Variants in RLF observed in about 807,000 individuals in gnomAD.
RLF encodes the protein zinc finger protein Rlf.
In RLF, 7 loss-of-function variants were observed where a neutral mutation model predicts 162.9. That is an observed-to-expected ratio of 0.04 (90% confidence interval 0.02 to 0.08). The LOEUF is 0.08. Among genes scored for constraint, RLF ranks in the 10% least tolerant of loss-of-function variants. The pLI is 1.00. For synonymous variants in RLF, 782 were observed against 791.5 expected, an observed-to-expected ratio of 0.99 and a Z score of 0.20; for missense variants, 1,664 against 2,244.7, an observed-to-expected ratio of 0.74 and a Z score of 5.23.
chr1:40,225,578 C>CAAAAAA (rs537934926), intron 6 of RLF, among the ~76,000 whole-genome samples: 8 of 83,064 alleles, frequency 9.6e-5, no homozygotes, highest in African/African-American at 4.3e-4. Flanking sequence ...GACTCTGTCT[C>CAAAAAA]AAAAAAAAAA....
chr1:40,167,282 T>C (rs12724048), intron 1 of RLF, among the ~76,000 whole-genome samples: 4 of 152,114 alleles, frequency 2.6e-5, no homozygotes, highest in African/African-American at 7.2e-5. Flanking sequence ...CTTACCTCTT[T>C]CATATATTTC....
chr1:40,189,269 T>C, intron 2 of RLF, 60 bp downstream of exon 2: 1 of 1,405,252 alleles, frequency 7.1e-7, no homozygotes. Context: ...GTTGTTTGCC[T>C]GGTTTCTCTT....
chr1:40,166,813 T>C (rs895755639), intron 1 of RLF, among the ~76,000 whole-genome samples: 1 of 129,356 alleles, frequency 7.7e-6, no homozygotes, highest in Non-Finnish European at 1.6e-5. Flanking sequence ...GTGAGAACAC[T>C]TGGACGCAGG....
At chr1:40,206,644 G>A (rs973741511) in intron 5 of RLF, among the ~76,000 whole-genome samples, 1 of 152,128 alleles carries the variant, frequency 6.6e-6, no homozygotes, top group Non-Finnish European at 1.5e-5. Context: ...AATACATTCA[G>A]AATTCTTTAT....
At chr1:40,231,263 C>T (rs1217861524) in intron 6 of RLF, among the ~76,000 whole-genome samples, 1 of 152,070 alleles carries the variant, frequency 6.6e-6, no homozygotes, top group African/African-American at 2.4e-5. Context: ...TTTTTAAATG[C>T]CACTGTTAAG....
intron 1 of RLF, among the ~76,000 whole-genome samples, chr1:40,168,719 A>G (rs550024086): frequency 6.4e-4 from 98 of 152,206 alleles, no homozygotes; most frequent in Non-Finnish European, 1.1e-3. Context: ...TTGGCCGTGC[A>G]CGGTGGCTCT....
intron 4 of RLF, among the ~76,000 whole-genome samples, chr1:40,200,338 G>C (rs891016489): frequency 3.9e-5 from 6 of 152,126 alleles, no homozygotes; most frequent in Non-Finnish European, 4.4e-5. Flanking sequence ...CTTTAATTTA[G>C]CAATTCCGCA....
At chr1:40,200,003 A>G (rs547945741) in intron 4 of RLF, among the ~76,000 whole-genome samples, 3 of 152,218 alleles carry the variant, frequency 2.0e-5, no homozygotes, top group Non-Finnish European at 4.4e-5. Flanking sequence ...AGTGAAGGGT[A>G]TGACCGTGAG....
At chr1:40,176,816 A>G (rs1406635511) in intron 1 of RLF, among the ~76,000 whole-genome samples, 1 of 152,056 alleles carries the variant, frequency 6.6e-6, no homozygotes, top group Non-Finnish European at 1.5e-5. Flanking sequence ...AAGTGTCCAA[A>G]TCTTTGCCAT....
intron 5 of RLF, 31 bp downstream of exon 5, chr1:40,202,645 G>T: frequency 1.6e-6 from 2 of 1,271,810 alleles, no homozygotes; most frequent in South Asian, 1.5e-5. Context: ...ATTCAAACTT[G>T]GTATTAATTT....
chr1:40,169,621 T>C (rs1251272838), intron 1 of RLF, among the ~76,000 whole-genome samples: 1 of 56,968 alleles, frequency 1.8e-5, no homozygotes, highest in East Asian at 5.3e-4. Context: ...AGACTCCGTC[T>C]CAAAAAAAAA....
chr1:40,216,868 A>G (rs1462284683), intron 5 of RLF, among the ~76,000 whole-genome samples: 3 of 152,120 alleles, frequency 2.0e-5, no homozygotes, highest in East Asian at 3.9e-4. Context: ...CCTGGACAAC[A>G]TGGTGAAACC....
intron 7 of RLF, among the ~76,000 whole-genome samples, chr1:40,234,138 T>C (rs1226173337): frequency 1.3e-5 from 2 of 152,116 alleles, no homozygotes; most frequent in Non-Finnish European, 2.9e-5. Context: ...TTATTAGAAA[T>C]GGGGTTTTGC....
chr1:40,203,750 T>G (rs747892934), intron 5 of RLF, among the ~76,000 whole-genome samples: 1 of 152,144 alleles, frequency 6.6e-6, no homozygotes, highest in Admixed American at 6.5e-5. Context: ...ATTCTTACTC[T>G]GAACTGAAAT....
intron 7 of RLF, among the ~76,000 whole-genome samples, chr1:40,232,289 A>G (rs903124079): frequency 3.9e-5 from 6 of 151,932 alleles, no homozygotes; most frequent in Non-Finnish European, 7.4e-5. Flanking sequence ...ATAATTGGCC[A>G]TTAGAACATT....
chr1:40,171,885 A>G (rs973994526), intron 1 of RLF, among the ~76,000 whole-genome samples: 23 of 152,172 alleles, frequency 1.5e-4, no homozygotes, highest in African/African-American at 5.1e-4. Context: ...TTCCAGTACT[A>G]CCTTTTCCTA....
chr1:40,167,271 C>G (rs2124522943), intron 1 of RLF, among the ~76,000 whole-genome samples: 1 of 152,232 alleles, frequency 6.6e-6, no homozygotes, highest in Non-Finnish European at 1.5e-5. Context: ...GGCTCTTGAG[C>G]CTTACCTCTT....
rs1005418216 is a variant in RLF, at chr1:40,229,448, CTTTTTTT to C, written c.948-2051_948-2045del. 4.4e-3 allele frequency among the ~76,000 whole-genome samples: 400 copies of C among 91,002 alleles called. 2 individuals carry two copies. The highest frequency in any genetic ancestry group is 0.017 in the African/African-American group (380 of 21,904). The allele number at this position is 91,002 out of a possible 152,430, so 59.7% of individuals were successfully genotyped here. On this transcript the variant is annotated intron_variant, in intron 6 of 7. Coordinates refer to ENST00000372771, the MANE Select transcript of RLF (RefSeq NM_012421.4). ...ATCCTGTTAAGCTTTATTCATTTAT[CTTTTTTT>C]TTTTTTTTTTTTTTTTTGAGACAGA...
intron 7 of RLF, among the ~76,000 whole-genome samples, chr1:40,232,613 C>T (rs773909310): frequency 2.0e-5 from 3 of 152,194 alleles, no homozygotes; most frequent in Non-Finnish European, 2.9e-5. Context: ...TTCTCAGGTG[C>T]TAGAAGCTAC....
Sources: gnomAD v4.1 joint callset for allele counts (sites outside exome capture counted in the v4.1 genomes callset) on GRCh38, gnomAD v4.1.1 for gene constraint, MANE v1.5 for transcripts, NCBI Gene and HGNC (gene_info 2026-07-23, HGNC 2026-07-21) for gene names.